SUCLG2: variants seen among roughly 807,000 people sequenced by gnomAD.
SUCLG2 encodes the protein succinate-CoA ligase GDP-forming subunit beta, also known as succinate--CoA ligase [GDP-forming] subunit beta, mitochondrial.
SUCLG2 carries 42 observed loss-of-function variants against 47.9 expected under a neutral mutation model. The observed-to-expected ratio is 0.88, with a 90% confidence interval of 0.69 to 1.14. The LOEUF (loss-of-function observed/expected upper bound fraction) is 1.14, where lower values mean the gene tolerates loss of function less well. Among genes scored for constraint, SUCLG2 ranks in the 50% most tolerant of loss-of-function variants. The probability of loss-of-function intolerance (pLI) is 0.00; values close to 1 mark genes in which losing one functional copy is unlikely to be tolerated. For synonymous variants in SUCLG2, 195 were observed against 197.3 expected (o/e 0.99, Z 0.10); for missense variants, 571 against 525.9 (o/e 1.09, Z -0.84).
chr3:67,498,349 T>G, intron 7 of SUCLG2, 54 bp from the exon 8 acceptor site: 2 of 1,582,014 alleles, frequency 1.3e-6, no homozygotes, highest in African/African-American at 1.3e-5. Context: ...ATCTATAAAT[T>G]AAGTTCTTCA....
intron 2 of SUCLG2, among the ~76,000 whole-genome samples, chr3:67,533,139 G>A (rs1706446214): frequency 6.6e-6 from 1 of 152,142 alleles, no homozygotes; most frequent in Non-Finnish European, 1.5e-5. Flanking sequence ...GCCATAATAG[G>A]AATCATAGTA....
intron 1 of SUCLG2, among the ~76,000 whole-genome samples, chr3:67,652,451 T>C (rs566026324): frequency 6.6e-6 from 1 of 152,328 alleles, no homozygotes; most frequent in African/African-American, 2.4e-5. Context: ...TTAACTGCAA[T>C]GTCTGCCACG....
At chr3:67,537,374 C>A (rs1432904144) in intron 2 of SUCLG2, among the ~76,000 whole-genome samples, 1 of 152,166 alleles carries the variant, frequency 6.6e-6, no homozygotes, top group Non-Finnish European at 1.5e-5. Flanking sequence ...CCAGCTTCAT[C>A]CATGTCCCTG....
At chr3:67,485,538 C>G (rs1705028561) in intron 9 of SUCLG2, among the ~76,000 whole-genome samples, 1 of 152,090 alleles carries the variant, frequency 6.6e-6, no homozygotes, top group African/African-American at 2.4e-5. Context: ...AAATGATGAT[C>G]AAGAAGACTA....
intron 2 of SUCLG2, among the ~76,000 whole-genome samples, chr3:67,584,250 T>C (rs1707953691): frequency 6.6e-6 from 1 of 152,182 alleles, no homozygotes; most frequent in Admixed American, 6.5e-5. Context: ...TTCAACAATA[T>C]GAAGTAACCT....
chr3:67,580,878 T>G, intron 2 of SUCLG2, among the ~76,000 whole-genome samples: 1 of 152,184 alleles, frequency 6.6e-6, no homozygotes, highest in East Asian at 1.9e-4. Flanking sequence ...TGTGGGAAAT[T>G]GTTTAGAGCT....
At chr3:67,490,954 CAA>C (rs1007828256) in intron 9 of SUCLG2, among the ~76,000 whole-genome samples, 1 of 151,976 alleles carries the variant, frequency 6.6e-6, no homozygotes, top group Non-Finnish European at 1.5e-5. Context: ...ATAACAAATG[CAA>C]AAGAGTATAC....
chr3:67,437,052 A>T (rs1307794636), intron 9 of SUCLG2, among the ~76,000 whole-genome samples: 1 of 152,182 alleles, frequency 6.6e-6, no homozygotes, highest in African/African-American at 2.4e-5. Flanking sequence ...ACTTAAACAC[A>T]TTGAGTATTA....
chr3:67,544,795 C>T (rs1273991028), intron 2 of SUCLG2, among the ~76,000 whole-genome samples: 2 of 152,154 alleles, frequency 1.3e-5, no homozygotes, highest in Non-Finnish European at 2.9e-5. Flanking sequence ...ACTATAGCAC[C>T]ACTTCAAATA....
At chr3:67,507,191 G>A (rs1705659827) in intron 7 of SUCLG2, among the ~76,000 whole-genome samples, 1 of 152,056 alleles carries the variant, frequency 6.6e-6, no homozygotes, top group South Asian at 2.1e-4. Flanking sequence ...CAATTTGATA[G>A]CCATAGCAAC....
In SUCLG2 at chr3:67,393,061, C is replaced by G. The variant is rs569045366; in HGVS notation, c.1183+7670G>C. Among the ~76,000 whole-genome samples, 8 of 152,296 alleles carry G rather than the reference C, an allele frequency of 5.3e-5. No homozygotes were observed. The East Asian group carries it at 5.8e-4, about 11-fold the overall frequency. The stretch of plus-strand genomic sequence containing the variant: ...GGCAGCCAAGATGGCCGAAATGGAA[C>G]AGCTCCGGTCTACAGCTCCCAGCGT... On this transcript the variant is annotated intron_variant, in intron 10 of 10. Transcript: ENST00000307227.
At chr3:67,430,159 C>A (rs983556673) in intron 9 of SUCLG2, among the ~76,000 whole-genome samples, 1 of 152,152 alleles carries the variant, frequency 6.6e-6, no homozygotes, top group Non-Finnish European at 1.5e-5. Context: ...TTTTTCTCAG[C>A]ACCACATTGC....
intron 2 of SUCLG2, among the ~76,000 whole-genome samples, chr3:67,583,237 T>A (rs1707928358): frequency 6.6e-6 from 1 of 152,102 alleles, no homozygotes. Context: ...CAGATGCCTC[T>A]GTCATCCATT....
At chr3:67,427,765 A>G (rs9851810) in intron 9 of SUCLG2, among the ~76,000 whole-genome samples, 17,531 of 152,176 alleles carry the variant, frequency 0.12, 1,241 homozygotes, top group African/African-American at 0.19. Flanking sequence ...ACTTCCACCC[A>G]AATAATGCGC....
At chr3:67,561,788 A>T (rs1176133916) in intron 2 of SUCLG2, among the ~76,000 whole-genome samples, 1 of 152,192 alleles carries the variant, frequency 6.6e-6, no homozygotes, top group East Asian at 1.9e-4. Flanking sequence ...CATTATCATG[A>T]GTATCCTAGG....
chr3:67,428,671 C>T (rs1036061980), intron 9 of SUCLG2, among the ~76,000 whole-genome samples: 15 of 152,110 alleles, frequency 9.9e-5, no homozygotes, highest in African/African-American at 1.4e-4. Flanking sequence ...GGAGGACGTT[C>T]GAACCCATCG....
chr3:67,603,726 T>C (rs1043436950), intron 2 of SUCLG2, among the ~76,000 whole-genome samples: 8 of 152,226 alleles, frequency 5.3e-5, no homozygotes, highest in African/African-American at 1.2e-4. Context: ...AACTGAAAGA[T>C]AGTGATCCTA....
chr3:67,472,066 T>C (rs1200127561), intron 9 of SUCLG2, among the ~76,000 whole-genome samples: 2 of 152,126 alleles, frequency 1.3e-5, no homozygotes, highest in Admixed American at 6.5e-5. Context: ...ATAAAATCAC[T>C]GAAAAAAAAA....
chr3:67,585,369 GAA>G lies in SUCLG2; in HGVS notation c.226+24084_226+24085del, dbSNP rs1707989404. Among the ~76,000 whole-genome samples, 6 of 152,260 alleles carry G rather than the reference GAA, an allele frequency of 3.9e-5. No homozygotes were observed. In the South Asian group the frequency reaches 1.0e-3, roughly 26 times the overall value. On this transcript the variant is annotated intron_variant, in intron 2 of 10. Transcript: ENST00000307227. ...GTGAAAACACATGGTCTTGACCATGGAAAGAACATGAAGCGGACACTCAGTGC... is the reference window on the plus strand; with the variant it reads ...GTGAAAACACATGGTCTTGACCATGGAGAACATGAAGCGGACACTCAGTGC...
Sources: gnomAD v4.1 joint callset for allele counts (sites outside exome capture counted in the v4.1 genomes callset) on GRCh38, gnomAD v4.1.1 for gene constraint, MANE v1.5 for transcripts, NCBI Gene and HGNC (gene_info 2026-07-23, HGNC 2026-07-21) for gene names.